Variants in KIAA0753 observed in about 807,000 individuals in gnomAD.
The protein encoded by KIAA0753 is protein moonraker.
In KIAA0753, 114 loss-of-function variants were observed where a neutral mutation model predicts 116.9. That is an observed-to-expected ratio of 0.98 (90% confidence interval 0.84 to 1.14). KIAA0753 has a LOEUF of 1.14. Among genes scored for constraint, KIAA0753 ranks in the 50% most tolerant of loss-of-function variants. The probability of loss-of-function intolerance (pLI) is 0.00; values close to 1 mark genes in which losing one functional copy is unlikely to be tolerated. For synonymous variants in KIAA0753, 405 were observed against 413.1 expected (o/e 0.98, Z 0.24); for missense variants, 1,156 against 1,172.4 (o/e 0.99, Z 0.20).
intron 16 of KIAA0753, among the ~76,000 whole-genome samples, chr17:6,593,178 C>G (rs1567543047): frequency 1.3e-5 from 2 of 150,726 alleles, no homozygotes; most frequent in African/African-American, 4.9e-5. Context: ...CAAGCAACCC[C>G]AAAAAAAAAC....
intron 18 of KIAA0753, 105 bp downstream of exon 18, chr17:6,589,674 A>C: frequency 1.3e-6 from 1 of 786,106 alleles, no homozygotes; most frequent in Non-Finnish European, 2.0e-6. Context: ...TCCAGGGCCC[A>C]AAAGCATATG....
intron 18 of KIAA0753, among the ~76,000 whole-genome samples, chr17:6,587,943 A>G (rs1968704407): frequency 6.6e-6 from 1 of 152,202 alleles, no homozygotes; most frequent in Non-Finnish European, 1.5e-5. Flanking sequence ...GCTGAAACCT[A>G]AGAGTCTGTA....
chr17:6,640,002 G>A (rs961695782), intron 1 of KIAA0753: 1 of 152,764 alleles, frequency 6.5e-6, no homozygotes, highest in African/African-American at 2.4e-5. Context: ...CCTCGATGGA[G>A]CCTGGGGTCC....
rs1410739317 is a variant in KIAA0753 at position 6,628,181 on chromosome 17, T to G, written c.654A>C (p.Glu218Asp). 1.2e-6 allele frequency: 2 copies of G among 1,614,074 alleles called. No homozygotes were observed. Among genetic ancestry groups the G allele is most frequent in the African/African-American group, 1.3e-5 (1 of 74,952 alleles). ...KNISEQKSLL[E>D]VQRLQKELSS... The stretch of plus-strand genomic sequence containing the variant: ...TCAGTTCTTTCTGGAGTCGCTGGAC[T>G]TCTAGCAGGCTTTTCTGTTCACTTA... The change falls in exon 3 of 19, where the codon GAA becomes GAC. Residue 218 changes from glutamate to aspartate, a missense_variant. Glu to Asp is a conservative substitution (Grantham distance 45, BLOSUM62 2). Transcript: ENST00000361413.
At chr17:6,599,686 G>A (rs1280874584) in intron 13 of KIAA0753, among the ~76,000 whole-genome samples, 2 of 151,672 alleles carry the variant, frequency 1.3e-5, no homozygotes, top group African/African-American at 4.8e-5. Context: ...ACTTCTAAGA[G>A]TCTTCCTAGT....
intron 12 of KIAA0753, among the ~76,000 whole-genome samples, chr17:6,604,447 T>C (rs1208197033): frequency 6.6e-6 from 1 of 152,086 alleles, no homozygotes; most frequent in East Asian, 1.9e-4. Context: ...ACACCATGAA[T>C]ACTACTCAGC....
At chr17:6,607,112 TTATCA>T in intron 11 of KIAA0753, 64 bp downstream of exon 11, 2 of 1,395,612 alleles carry the variant, frequency 1.4e-6, no homozygotes, top group Non-Finnish European at 2.0e-6. Context: ...TAATCTCTAT[TTATCA>T]TTAATGTATA....
chr17:6,623,723 C>G (rs1316810864), intron 4 of KIAA0753, 152 bp from the exon 5 acceptor site: 2 of 1,113,042 alleles, frequency 1.8e-6, no homozygotes, highest in Admixed American at 3.5e-5. Context: ...CATTCATGCA[C>G]CCAAAAAACA....
chr17:6,605,029 C>G lies in KIAA0753; in HGVS notation c.2009+1844G>C, dbSNP rs1970103112. ...CCGGGAGGCCAAGGCAGAAGGATCACTTGAGCCCAGGAGTCCAAGACCAGC... is the reference window on the plus strand; with the variant it reads ...CCGGGAGGCCAAGGCAGAAGGATCAGTTGAGCCCAGGAGTCCAAGACCAGC... On this transcript the variant is annotated intron_variant, in intron 12 of 18. Coordinates refer to ENST00000361413, the MANE Select transcript of KIAA0753 (RefSeq NM_014804.3). Among the ~76,000 whole-genome samples, 3 of 146,454 alleles carry G rather than the reference C, an allele frequency of 2.0e-5. No homozygotes were observed. In the Admixed American group the frequency reaches 2.1e-4, roughly 10 times the overall value.
At chr17:6,595,406 T>C (rs1969393307) in intron 15 of KIAA0753, among the ~76,000 whole-genome samples, 1 of 152,192 alleles carries the variant, frequency 6.6e-6, no homozygotes, top group Non-Finnish European at 1.5e-5. Context: ...GTGGCTACTG[T>C]TTTGAGCACC....
At chr17:6,610,355 G>T (rs1970453043) in intron 8 of KIAA0753, among the ~76,000 whole-genome samples, 195 bp from the exon 9 acceptor site, 1 of 148,952 alleles carries the variant, frequency 6.7e-6, no homozygotes, top group Admixed American at 6.7e-5. Flanking sequence ...GGGGCGGGGG[G>T]TGGAGGGTGT....
chr17:6,590,312 C>T (rs751216939), intron 17 of KIAA0753, among the ~76,000 whole-genome samples, 198 bp downstream of exon 17: 4 of 152,114 alleles, frequency 2.6e-5, no homozygotes, highest in African/African-American at 2.4e-5. Flanking sequence ...TTATTGAATA[C>T]GGAAAAGCTC....
rs1194975849 is a variant in KIAA0753 at position 6,590,621 on chromosome 17, A to AT, written c.2449dup (p.Ile817AsnfsTer6). 1.9e-6 allele frequency: 3 copies of AT among 1,613,598 alleles called. No individual in the cohort carries two copies. The highest frequency in any genetic ancestry group is 1.3e-5 in the African/African-American group (1 of 74,870). On this transcript the variant is annotated frameshift_variant, in exon 17 of 19. Coordinates refer to ENST00000361413, the MANE Select transcript of KIAA0753 (RefSeq NM_014804.3). LOFTEE classifies it high-confidence loss of function. ...TAGAGGCTTTTCACTTATTGCTGAG[A>AT]TTTTTTGGTCTAGAAAAGGAGGGTC...
intron 7 of KIAA0753, among the ~76,000 whole-genome samples, chr17:6,615,312 A>G (rs1023249639): frequency 2.0e-5 from 3 of 152,138 alleles, no homozygotes; most frequent in Admixed American, 6.5e-5. Context: ...TGGTGATCAC[A>G]GCAACTGTCT....
intron 1 of KIAA0753, chr17:6,638,851 G>C (rs2150938003): frequency 6.5e-6 from 1 of 152,902 alleles, no homozygotes; most frequent in Middle Eastern, 3.3e-3. Flanking sequence ...CTTCCCCAAG[G>C]CCCTGGGTAC....
chr17:6,585,898 A>G (rs755689722), intron 18 of KIAA0753, among the ~76,000 whole-genome samples: 1 of 152,212 alleles, frequency 6.6e-6, no homozygotes, highest in Non-Finnish European at 1.5e-5. Flanking sequence ...ATTTTCAAAA[A>G]TAAGAATGTC....
intron 18 of KIAA0753, 152 bp from the exon 19 acceptor site, chr17:6,580,016 C>T (rs747135980): frequency 1.3e-4 from 74 of 569,974 alleles, no homozygotes; most frequent in Non-Finnish European, 2.0e-4. Context: ...AACCCGGTCT[C>T]TACTAAAAAT....
At chr17:6,599,368 C>G in intron 13 of KIAA0753, 48 bp from the exon 14 acceptor site, 1 of 1,204,364 alleles carries the variant, frequency 8.3e-7, no homozygotes. Flanking sequence ...ACTTATAGCT[C>G]CTATTAGTAC....
intron 10 of KIAA0753, among the ~76,000 whole-genome samples, chr17:6,607,534 T>C (rs1262565694): frequency 6.6e-6 from 1 of 152,206 alleles, no homozygotes; most frequent in African/African-American, 2.4e-5. Flanking sequence ...GACTTGGGGT[T>C]TCTTATTAGA....
Sources: gnomAD v4.1 joint callset for allele counts (sites outside exome capture counted in the v4.1 genomes callset) on GRCh38, gnomAD v4.1.1 for gene constraint, MANE v1.5 for transcripts, NCBI Gene and HGNC (gene_info 2026-07-23, HGNC 2026-07-21) for gene names.